USP30: variants seen among roughly 807,000 people sequenced by gnomAD.
The protein encoded by USP30 is ubiquitin specific peptidase 30.
In USP30, 41 loss-of-function variants were observed where a neutral mutation model predicts 68.2. The ratio of observed to expected loss-of-function variants is 0.60; its 90% CI spans 0.47 to 0.78. The LOEUF (loss-of-function observed/expected upper bound fraction) is 0.78, where lower values mean the gene tolerates loss of function less well. USP30 is among the 30% of genes least tolerant of loss of function. USP30 has a pLI of 0.00. For missense variants in USP30, 522 were observed against 649.4 expected (o/e 0.80, Z 2.13); for synonymous variants, 229 against 253.7 (o/e 0.90, Z 0.93).
In USP30 at chr12:109,087,632, T is replaced by C. The variant is rs1010637309; in HGVS notation, c.*1701T>C. On this transcript the variant is annotated 3_prime_UTR_variant, in exon 13 of 13. Coordinates refer to ENST00000257548, the MANE Select transcript of USP30 (RefSeq NM_032663.5). Reference sequence around the variant, plus strand: ...GACCTTAAAGTGTACTGCAAAGCTGTAGCTTTAAGTAATTGCTGTTCTGCC... The same window carrying C: ...GACCTTAAAGTGTACTGCAAAGCTGCAGCTTTAAGTAATTGCTGTTCTGCC... The C allele has an allele frequency of 2.6e-5, 4 of 152,338 alleles. No individual in the cohort carries two copies. The highest frequency in any genetic ancestry group is 9.7e-5 in the African/African-American group (4 of 41,450). 9.4% of individuals were successfully genotyped at this position (152,338 alleles called of 1,614,324 possible).
rs1034990814 is a variant in USP30, at chr12:109,081,639, A to G, written c.780+246A>G. On this transcript the variant is annotated intron_variant, in intron 8 of 12. Coordinates refer to ENST00000257548, the MANE Select transcript of USP30 (RefSeq NM_032663.5). ...CGCATGCGCGCACACACACACACAC[A>G]CACACACACACACACACACACACAG... is the stretch of plus-strand genomic sequence containing the variant. 144 of 587,232 alleles carry G rather than the reference A, an allele frequency of 2.5e-4. 1 individual carries two copies. Among genetic ancestry groups the G allele is most frequent in the African/African-American group, 1.6e-3 (85 of 53,494 alleles). The allele number at this position is 587,232 out of a possible 1,614,324, so 36.4% of individuals were successfully genotyped here.
At chr12:109,028,357 C>A (rs192491246) in intron 3 of USP30, among the ~76,000 whole-genome samples, 28 of 152,090 alleles carry the variant, frequency 1.8e-4, no homozygotes, top group African/African-American at 5.3e-4. Flanking sequence ...GGAAGCATGG[C>A]GCTGGCATCT....
chr12:109,026,648 T>C (rs985831812), intron 2 of USP30, among the ~76,000 whole-genome samples: 19 of 148,828 alleles, frequency 1.3e-4, no homozygotes, highest in Admixed American at 2.7e-4. Flanking sequence ...TTGTATTTTT[T>C]CTGGGGAAGG....
At chr12:109,067,844 G>C (rs2041309513) in intron 4 of USP30, among the ~76,000 whole-genome samples, 1 of 152,180 alleles carries the variant, frequency 6.6e-6, no homozygotes, top group Non-Finnish European at 1.5e-5. Flanking sequence ...AGCAGGATGG[G>C]ACATAAACAC....
At chr12:109,065,520 G>A (rs1433585573) in intron 3 of USP30, among the ~76,000 whole-genome samples, 4 of 152,250 alleles carry the variant, frequency 2.6e-5, no homozygotes, top group Admixed American at 6.5e-5. Context: ...TGCTCCCAGT[G>A]TGGGGAAAAG....
chr12:109,053,166 G>A (rs2040726637), intron 1 of USP30, among the ~76,000 whole-genome samples: 1 of 152,034 alleles, frequency 6.6e-6, no homozygotes, highest in African/African-American at 2.4e-5. Context: ...TTTCTGGACT[G>A]CCAGGGTTCC....
intron 3 of USP30, among the ~76,000 whole-genome samples, chr12:109,043,349 A>G (rs1204435180): frequency 2.0e-5 from 3 of 152,180 alleles, no homozygotes; most frequent in Admixed American, 6.5e-5. Context: ...ACTTACTACA[A>G]AGCCACACTA....
At chr12:109,060,199 T>A (rs1749078424) in intron 3 of USP30, 1 of 152,222 alleles carries the variant, frequency 6.6e-6, no homozygotes, top group Non-Finnish European at 1.5e-5. Flanking sequence ...TAATTTGACT[T>A]CATCAAGGTA....
chr12:109,061,205 A>G (rs2041053553), intron 3 of USP30, among the ~76,000 whole-genome samples: 2 of 152,078 alleles, frequency 1.3e-5, no homozygotes, highest in Non-Finnish European at 2.9e-5. Context: ...GAAATGGGTT[A>G]AAAACACCAC....
chr12:109,039,111 T>C (rs540727955), intron 3 of USP30, among the ~76,000 whole-genome samples: 2 of 152,316 alleles, frequency 1.3e-5, no homozygotes, highest in Non-Finnish European at 2.9e-5. Flanking sequence ...TTAGATCCAA[T>C]GTATCAGTTT....
intron 2 of USP30, among the ~76,000 whole-genome samples, chr12:109,026,228 A>T (rs574020154): frequency 1.0e-3 from 154 of 150,958 alleles, no homozygotes; most frequent in African/African-American, 3.6e-3. Context: ...GGCGCATGCC[A>T]TCACACCTTG....
At chr12:109,032,149 A>C (rs2135659932) in intron 3 of USP30, among the ~76,000 whole-genome samples, 1 of 151,968 alleles carries the variant, frequency 6.6e-6, no homozygotes, top group African/African-American at 2.4e-5. Context: ...TCTACAAAAA[A>C]AAAAATTACC....
chr12:109,026,458 C>A (rs910336185), intron 2 of USP30, among the ~76,000 whole-genome samples: 1 of 151,000 alleles, frequency 6.6e-6, no homozygotes, highest in Non-Finnish European at 1.5e-5. Flanking sequence ...TGGTGGCTTA[C>A]ACAACAGAAT....
At position 109,073,675 on chromosome 12, in the gene USP30, C is replaced by G. The variant is rs1261191530; in HGVS notation, c.720+143C>G. 6 of 678,706 alleles carry G rather than the reference C, an allele frequency of 8.8e-6. No individual in the cohort carries two copies. In the Admixed American group the frequency reaches 1.0e-4, roughly 11 times the overall value. The allele number at this position is 678,706 out of a possible 1,614,324, so 42.0% of individuals were successfully genotyped here. ...CTGCACACTAGTGGACTGACTACCC[C>G]ACTTTGGTCAGTGTCAGCATGTCAT... On this transcript the variant is annotated intron_variant, in intron 7 of 12. Transcript: ENST00000257548.
rs1593308573 is a variant in USP30, at chr12:109,087,955, A to G, written c.*2024A>G. The G allele has an allele frequency of 1.8e-5, 5 of 279,000 alleles. No individual in the cohort carries two copies. The East Asian group carries it at 3.3e-4, about 18-fold the overall frequency. 17.3% of individuals were successfully genotyped at this position (279,000 alleles called of 1,614,324 possible). On this transcript the variant is annotated 3_prime_UTR_variant, in exon 13 of 13. Transcript: ENST00000257548. ...TGCCATAATAACTGCTGATTTATGT[A>G]TTTGCTAAAGGTACTTTTGTATCTG... is the stretch of plus-strand genomic sequence containing the variant.
In USP30 at chr12:109,067,510, T is replaced by A. The variant is rs76009193; in HGVS notation, c.377-14T>A. 16 of 1,609,534 alleles carry A rather than the reference T, an allele frequency of 9.9e-6. No individual in the cohort carries two copies. In the African/African-American group the frequency reaches 1.9e-4, roughly 19 times the overall value. ...TGATGAATTTAATAATTGTCTTACC[T>A]TTTTTGTTTCCAGCCTTGTCCTGCC... On this transcript the variant is annotated splice_polypyrimidine_tract_variant and intron_variant, in intron 3 of 12. Coordinates refer to ENST00000257548, the MANE Select transcript of USP30 (RefSeq NM_032663.5).
chr12:109,032,936 G>A (rs545596219), intron 3 of USP30, among the ~76,000 whole-genome samples: 3 of 152,222 alleles, frequency 2.0e-5, no homozygotes, highest in East Asian at 3.9e-4. Context: ...ATACTTTAAG[G>A]GAGACTGGAA....
At chr12:109,037,806 G>T (rs868242190) in intron 3 of USP30, among the ~76,000 whole-genome samples, 1 of 152,114 alleles carries the variant, frequency 6.6e-6, no homozygotes, top group African/African-American at 2.4e-5. Flanking sequence ...CACTCAGCCT[G>T]TCAGCTGAAA....
chr12:109,025,670 G>A (rs1691107226), intron 2 of USP30, among the ~76,000 whole-genome samples: 1 of 151,984 alleles, frequency 6.6e-6, no homozygotes, highest in Admixed American at 6.6e-5. Context: ...GGGTGGAAGT[G>A]GAACTGCCAC....
Sources: allele counts gnomAD v4.1 joint callset (sites outside exome capture counted in the v4.1 genomes callset), GRCh38; gene constraint gnomAD v4.1.1; transcripts MANE v1.5; gene names NCBI Gene and HGNC (gene_info 2026-07-23, HGNC 2026-07-21).